Variants in CAPRIN2 observed in about 807,000 individuals in gnomAD.
CAPRIN2 encodes caprin family member 2.
In CAPRIN2, 66 loss-of-function variants were observed where a neutral mutation model predicts 130.4. The ratio of observed to expected loss-of-function variants is 0.51; its 90% confidence interval spans 0.42 to 0.62. The LOEUF (loss-of-function observed/expected upper bound fraction) is 0.62. CAPRIN2 is among the 20% of genes least tolerant of loss of function. The probability of loss-of-function intolerance (pLI) is 0.00; values close to 1 mark genes in which losing one functional copy is unlikely to be tolerated. For synonymous variants in CAPRIN2, 471 were observed against 444.1 expected (o/e 1.06, Z -0.76); for missense variants, 1,185 against 1,246.6 (o/e 0.95, Z 0.74).
Position 30,713,767 on chromosome 12 carries a change from A to G in CAPRIN2, c.2601+18T>C. The stretch of plus-strand genomic sequence containing the variant: ...ACAACTGTACCACTATTCAACTATG[A>G]CAACTATTCTTACTTACCCTTTGGG... On this transcript the variant is annotated intron_variant, in intron 15 of 16. Transcript: ENST00000298892. 7.3e-7 allele frequency: 1 copy of G among 1,374,006 alleles called. No homozygotes were observed. Among genetic ancestry groups the G allele is most frequent in the Non-Finnish European group, 1.0e-6 (1 of 964,126 alleles). The allele number at this position is 1,374,006 out of a possible 1,614,324, so 85.1% of individuals were successfully genotyped here. A position where few individuals can be genotyped will look rare whatever the true frequency, so the allele number is the denominator to read the frequency against.
At chr12:30,747,339 G>T (rs1040519766) in intron 2 of CAPRIN2, among the ~76,000 whole-genome samples, 4 of 152,142 alleles carry the variant, frequency 2.6e-5, no homozygotes, top group Admixed American at 1.3e-4. Flanking sequence ...CATACATTCT[G>T]CAGCCCATGG....
chr12:30,751,280 CAACTGT>C, intron 1 of CAPRIN2, 147 bp from the exon 3 acceptor site: 1 of 657,454 alleles, frequency 1.5e-6, no homozygotes, highest in East Asian at 2.7e-5. Flanking sequence ...CGGCATGCAG[CAACTGT>C]AGATGAGTTC....
At chr12:30,725,867 G>C (rs1037355024) in intron 9 of CAPRIN2, 99 bp downstream of exon 10, 1 of 1,066,792 alleles carries the variant, frequency 9.4e-7, no homozygotes, top group Non-Finnish European at 1.2e-6. Context: ...AGCAGAGCCA[G>C]GACTTGACAG....
intron 16 of CAPRIN2, 25 bp downstream of exon 18, chr12:30,711,541 A>G (rs2054598025): frequency 4.4e-6 from 7 of 1,589,720 alleles, no homozygotes; most frequent in Non-Finnish European, 6.0e-6. Context: ...CTGGGTAAGA[A>G]AACTATTCAG....
exon 10 of CAPRIN2, chr12:30,724,430 T>C (rs1360944152): frequency 1.2e-6 from 2 of 1,612,370 alleles, no homozygotes; most frequent in Non-Finnish European, 8.5e-7. Flanking sequence ...CTTGAAGGTT[T>C]GTCAAAGTCA....
chr12:30,712,118 T>C (rs1350453106), intron 15 of CAPRIN2, among the ~76,000 whole-genome samples: 1 of 152,072 alleles, frequency 6.6e-6, no homozygotes, highest in South Asian at 2.1e-4. Flanking sequence ...AATATATTTA[T>C]TGCCTAGAAA....
chr12:30,714,980 G>A lies in CAPRIN2; in HGVS notation c.2479C>T (p.Arg827Trp), dbSNP rs747429030. The A allele has an allele frequency of 7.4e-6, 12 of 1,613,558 alleles. No individual in the cohort carries two copies. The highest frequency in any genetic ancestry group is 4.0e-5 in the African/African-American group (3 of 74,890). ...ATACCTTTATAACCACCAGGGGACCGATAGGAATTGGTTATTAATCTCCCA... is the reference window on the plus strand; with the variant it reads ...ATACCTTTATAACCACCAGGGGACCAATAGGAATTGGTTATTAATCTCCCA... Residue 827 changes from arginine to tryptophan, a missense_variant, in exon 14 of 17, where the codon CGG becomes TGG. Physicochemically the swap from Arg to Trp is moderately radical, Grantham distance 101. This residue lies in a region of CAPRIN2 where 1,104 missense variants were observed against 1,104.3 expected (regional missense o/e 1.00). Transcript: ENST00000298892.
At chr12:30,712,733 CTTTT>C (rs754373140) in intron 15 of CAPRIN2, among the ~76,000 whole-genome samples, 2 of 107,290 alleles carry the variant, frequency 1.9e-5, no homozygotes, top group Non-Finnish European at 3.6e-5. Flanking sequence ...GTTTTCCACT[CTTTT>C]TTTTTTTTTT....
intron 6 of CAPRIN2, among the ~76,000 whole-genome samples, chr12:30,730,599 T>C (rs1176552272): frequency 6.6e-6 from 1 of 152,150 alleles, no homozygotes; most frequent in Non-Finnish European, 1.5e-5. Context: ...CAAGTTAGCA[T>C]TATAGCTCAT....
At chr12:30,713,810 T>A (rs1565542456) in exon 15 of CAPRIN2, 1 of 1,608,018 alleles carries the variant, frequency 6.2e-7, no homozygotes, top group Non-Finnish European at 8.5e-7. Context: ...TGCTCCAGAA[T>A]ACTCTCTAGC....
chr12:30,734,433 TCAGA>T (rs898508137), intron 4 of CAPRIN2, among the ~76,000 whole-genome samples: 1 of 152,084 alleles, frequency 6.6e-6, no homozygotes, highest in Non-Finnish European at 1.5e-5. Flanking sequence ...GGAAAAAAAA[TCAGA>T]CAGCCCCAGT....
chr12:30,730,333 TA>T, intron 6 of CAPRIN2, 51 bp from the exon 8 acceptor site: 4 of 1,241,174 alleles, frequency 3.2e-6, no homozygotes, highest in Non-Finnish European at 4.8e-6. Context: ...TGTAAGTTTT[TA>T]GACAGATTAC....
intron 6 of CAPRIN2, 58 bp from the exon 8 acceptor site, chr12:30,730,340 A>G (rs2062230311): frequency 8.6e-7 from 1 of 1,159,670 alleles, no homozygotes; most frequent in South Asian, 1.3e-5. Context: ...TTTTAGACAG[A>G]TTACAACTAT....
At chr12:30,709,835 A>T in exon 17 of CAPRIN2, 1 of 1,508,870 alleles carries the variant, frequency 6.6e-7, no homozygotes, top group Non-Finnish European at 8.9e-7. Context: ...ATGAGGGCAA[A>T]GACTACTTTT....
chr12:30,715,948 T>C (rs978430132), intron 13 of CAPRIN2: 12 of 155,784 alleles, frequency 7.7e-5, no homozygotes, highest in Non-Finnish European at 1.4e-4. Context: ...AAAAACTCAA[T>C]AGGGATCTGA....
chr12:30,726,318 AG>A (rs1472967538), intron 8 of CAPRIN2, among the ~76,000 whole-genome samples: 1 of 152,176 alleles, frequency 6.6e-6, no homozygotes, highest in East Asian at 1.9e-4. Flanking sequence ...TTCCTTTTAA[AG>A]GGAAGATCCA....
At chr12:30,737,728 G>T (rs1020228899) in intron 3 of CAPRIN2, among the ~76,000 whole-genome samples, 1 of 151,572 alleles carries the variant, frequency 6.6e-6, no homozygotes. Context: ...CTCCCGAGTA[G>T]CTGGGACTAC....
rs201802333 is a variant in CAPRIN2, at chr12:30,711,604, C to T, written c.2627G>A (p.Arg876Gln). Residue 876 changes from arginine (R) to glutamine (Q), a missense_variant, in exon 16 of 17, where the codon CGA becomes CAA. Around this residue, in one of 2 missense-constraint regions of CAPRIN2, gnomAD observed 1,104 missense variants for 1,104.3 expected, o/e 1.00. Coordinates refer to ENST00000298892, the Ensembl canonical transcript of CAPRIN2. ...TCGTGGACCACCAGATGTCCCTCCT[C>T]GCTTATAACACTGCTGGAAATTATC... 1.1e-5 allele frequency: 17 copies of T among 1,613,628 alleles called. No individual in the cohort carries two copies. Among genetic ancestry groups the T allele is most frequent in the East Asian group, 2.2e-5 (1 of 44,876 alleles).
At chr12:30,738,823 T>C (rs2066023908) in intron 3 of CAPRIN2, among the ~76,000 whole-genome samples, 1 of 152,076 alleles carries the variant, frequency 6.6e-6, no homozygotes, top group Non-Finnish European at 1.5e-5. Context: ...CACTGATCAT[T>C]AGAAAAATGC....
Sources: allele counts gnomAD v4.1 joint callset (sites outside exome capture counted in the v4.1 genomes callset), GRCh38; gene constraint gnomAD v4.1.1; regional missense constraint gnomAD v4.1.1; transcripts MANE v1.5; gene names NCBI Gene and HGNC (gene_info 2026-07-23, HGNC 2026-07-21).